Variants in RIPK1 observed in about 807,000 individuals in gnomAD.
RIPK1 encodes receptor-interacting serine/threonine-protein kinase 1.
RIPK1 carries 27 observed loss-of-function variants against 62.4 expected under a neutral mutation model. The observed-to-expected ratio is 0.43, with a 90% CI of 0.32 to 0.60. The LOEUF (loss-of-function observed/expected upper bound fraction) is 0.60. RIPK1 is among the 20% of genes least tolerant of loss of function. The probability of loss-of-function intolerance (pLI) is 0.07; values close to 1 mark genes in which losing one functional copy is unlikely to be tolerated. For missense variants in RIPK1, 735 were observed against 831.0 expected (o/e 0.88, Z 1.42); for synonymous variants, 287 against 303.2 (o/e 0.95, Z 0.55).
chr6:3,109,596 C>A (rs1373354273), intron 9 of RIPK1, among the ~76,000 whole-genome samples: 1 of 152,150 alleles, frequency 6.6e-6, no homozygotes, highest in Non-Finnish European at 1.5e-5. Context: ...TGTTCATCCA[C>A]TTCTGTTTTC....
intron 10 of RIPK1, among the ~76,000 whole-genome samples, chr6:3,111,236 AT>A (rs1312209832): frequency 6.6e-6 from 1 of 152,188 alleles, no homozygotes; most frequent in Non-Finnish European, 1.5e-5. Flanking sequence ...AGTAAGTTCT[AT>A]AAAAAGTGTT....
intron 7 of RIPK1, among the ~76,000 whole-genome samples, chr6:3,089,880 GA>G: frequency 6.6e-6 from 1 of 152,332 alleles, no homozygotes; most frequent in African/African-American, 2.4e-5. Context: ...ATAGCAATAT[GA>G]AAACAAAAGC....
chr6:3,111,905 A>C (rs1162738319), intron 10 of RIPK1, among the ~76,000 whole-genome samples: 1 of 152,254 alleles, frequency 6.6e-6, no homozygotes, highest in African/African-American at 2.4e-5. Flanking sequence ...ATGGATAGAG[A>C]GAGAGCCACA....
rs185640889 is a variant in RIPK1, at chr6:3,115,012, A to C, written c.*1673A>C. On this transcript the variant is annotated 3_prime_UTR_variant, in exon 11 of 11. Transcript: ENST00000259808. ...TCCTACAGCCCAAAAGGGAGAATGG[A>C]GGGAGGCTCCAGGCTTTGCTGGAGG... 9.7e-4 allele frequency: 148 copies of C among 152,216 alleles called. No homozygotes were observed. Among genetic ancestry groups the C allele is most frequent in the African/African-American group, 3.3e-3 (137 of 41,528 alleles). 9.4% of individuals were successfully genotyped at this position (152,216 alleles called of 1,614,324 possible). A position where few individuals can be genotyped will look rare whatever the true frequency, so the allele number is the denominator to read the frequency against.
Position 3,077,837 on chromosome 6 carries a change from G to C in RIPK1, c.223G>C (p.Val75Leu). The C allele has an allele frequency of 6.2e-7, 1 of 1,614,248 alleles. No homozygotes were observed. The highest frequency in any genetic ancestry group is 8.5e-7 in the Non-Finnish European group (1 of 1,180,040). Residue 75 changes from valine (V) to leucine (L), a missense_variant, in exon 3 of 11, where the codon GTG (valine) becomes CTG (leucine). This residue lies in a region of RIPK1 where 671 missense variants were observed against 726.2 expected (regional missense o/e 0.92). Coordinates refer to ENST00000259808, the MANE Select transcript of RIPK1 (RefSeq NM_001354930.2). ...GATGAACAGACTGAGACACAGCCGGGTGGTGAAGCTCCTGGGCGTCATCAT... is the reference window on the plus strand; with the variant it reads ...GATGAACAGACTGAGACACAGCCGGCTGGTGAAGCTCCTGGGCGTCATCAT... ...KMMNRLRHSR[V>L]VKLLGVIIEE...
chr6:3,081,582 C>T lies in RIPK1; in HGVS notation c.459+466C>T, dbSNP rs576813851. On this transcript the variant is annotated intron_variant, in intron 4 of 10. Transcript: ENST00000259808. Reference sequence around the variant, plus strand: ...ATGGCCTAAGAGTGAGATCAGCGGCCGGGTGCAGTGGCCCACGCCTGTTAT... The same window carrying T: ...ATGGCCTAAGAGTGAGATCAGCGGCTGGGTGCAGTGGCCCACGCCTGTTAT... 3.3e-4 allele frequency among the ~76,000 whole-genome samples: 50 copies of T among 152,124 alleles called. No individual in the cohort carries two copies. The South Asian group carries it at 4.2e-3, about 13-fold the overall frequency.
intron 7 of RIPK1, among the ~76,000 whole-genome samples, chr6:3,096,415 A>G (rs1760295799): frequency 6.6e-6 from 1 of 152,168 alleles, no homozygotes; most frequent in Admixed American, 6.5e-5. Context: ...TATAACCTTA[A>G]TTGAGAGACA....
intron 5 of RIPK1, among the ~76,000 whole-genome samples, chr6:3,084,095 G>A (rs1759564008): frequency 6.6e-6 from 1 of 152,104 alleles, no homozygotes; most frequent in Admixed American, 6.5e-5. Context: ...ATATATGTAT[G>A]ACTCAAGATA....
chr6:3,075,485 CCTT>C (rs1290703726), intron 1 of RIPK1, among the ~76,000 whole-genome samples: 4 of 152,152 alleles, frequency 2.6e-5, no homozygotes, highest in African/African-American at 9.7e-5. Flanking sequence ...TCTTCAGATT[CCTT>C]CTTTTGTTCA....
Position 3,113,441 on chromosome 6 carries a change from G to T in RIPK1, c.*102G>T. ...TTCAGAATTCTGTCCTCACTGATAG[G>T]GGTTCTGTGTCTGCAGAAATTTTGT... On this transcript the variant is annotated 3_prime_UTR_variant, in exon 11 of 11. Transcript: ENST00000259808. The surrounding 1 kb of genome is among the most constrained non-coding windows in gnomAD (Gnocchi z 5.0). The T allele has an allele frequency of 8.9e-7, 1 of 1,126,494 alleles. No homozygotes were observed. Among genetic ancestry groups the T allele is most frequent in the African/African-American group, 1.6e-5 (1 of 63,774 alleles). 69.8% of individuals were successfully genotyped at this position (1,126,494 alleles called of 1,614,324 possible).
chr6:3,111,028 T>A, intron 10 of RIPK1, 73 bp downstream of exon 10: 1 of 1,046,976 alleles, frequency 9.6e-7, no homozygotes, highest in Non-Finnish European at 1.3e-6. Flanking sequence ...CATAGTGGAA[T>A]CTTAAAATTT....
intron 1 of RIPK1, among the ~76,000 whole-genome samples, chr6:3,075,132 A>G (rs889874685): frequency 3.3e-5 from 5 of 152,212 alleles, no homozygotes; most frequent in Non-Finnish European, 7.3e-5. Context: ...GCTTTTTGCC[A>G]GCCCTTTTCC....
At chr6:3,103,377 T>C (rs1018827391) in intron 7 of RIPK1, among the ~76,000 whole-genome samples, 1 of 151,924 alleles carries the variant, frequency 6.6e-6, no homozygotes, top group African/African-American at 2.4e-5. Context: ...GTTGGTTCAC[T>C]GCAACCTCTG....
At chr6:3,098,872 G>C (rs1199324661) in intron 7 of RIPK1, among the ~76,000 whole-genome samples, 1 of 152,244 alleles carries the variant, frequency 6.6e-6, no homozygotes, top group Non-Finnish European at 1.5e-5. Flanking sequence ...GGAGCACTGA[G>C]CAAATGCCCC....
chr6:3,068,444 G>A (rs1244468975), upstream of RIPK1: 43 of 985,272 alleles, frequency 4.4e-5, no homozygotes, highest in Non-Finnish European at 4.8e-5. Flanking sequence ...GCGCTCTCGC[G>A]GTCCTCCTCC....
intron 6 of RIPK1, chr6:3,088,874 G>A (rs985573373): frequency 6.6e-6 from 1 of 152,256 alleles, no homozygotes; most frequent in African/African-American, 2.4e-5. Context: ...GAAAGAGCAG[G>A]CTTTAGTTGG....
At chr6:3,104,394 G>A in intron 8 of RIPK1, 79 bp downstream of exon 8, 1 of 729,792 alleles carries the variant, frequency 1.4e-6, no homozygotes, top group South Asian at 1.6e-5. Flanking sequence ...AGACTATTCA[G>A]GACCATATGG....
chr6:3,074,601 T>A (rs1166615287), intron 1 of RIPK1, among the ~76,000 whole-genome samples: 1 of 152,248 alleles, frequency 6.6e-6, no homozygotes, highest in Non-Finnish European at 1.5e-5. Flanking sequence ...GCCTATGAAA[T>A]TTCAATGAAT....
chr6:3,068,352 AAAC>A (rs1758479965), upstream of RIPK1: 8 of 985,282 alleles, frequency 8.1e-6, no homozygotes, highest in South Asian at 3.3e-4. Flanking sequence ...ACTCGCTTGA[AAAC>A]AAAGTCCGCG....
Sources: gnomAD v4.1 joint callset for allele counts (sites outside exome capture counted in the v4.1 genomes callset) on GRCh38, gnomAD v4.1.1 for gene constraint, gnomAD v4.1.1 regional missense constraint, Gnocchi (gnomAD v3.1) non-coding constraint, MANE v1.5 for transcripts, NCBI Gene and HGNC (gene_info 2026-07-23, HGNC 2026-07-21) for gene names.